SRD5A2: variants seen among roughly 807,000 people sequenced by gnomAD.
SRD5A2 encodes the protein 3-oxo-5-alpha-steroid 4-dehydrogenase 2.
SRD5A2 carries 30 observed loss-of-function variants against 27.4 expected under a neutral mutation model. The observed-to-expected ratio is 1.10, with a 90% CI of 0.82 to 1.49. SRD5A2 has a LOEUF of 1.49. SRD5A2 is among the 40% of genes most tolerant of loss of function. The probability of loss-of-function intolerance (pLI) is 0.00; values close to 1 mark genes in which losing one functional copy is unlikely to be tolerated. For synonymous variants in SRD5A2, 141 were observed against 133.6 expected, an observed-to-expected ratio of 1.06 and a Z score of -0.38; for missense variants, 348 against 323.4, an observed-to-expected ratio of 1.08 and a Z score of -0.58.
chr2:31,632,898 C>A, the SRD5A2 span, among the ~76,000 whole-genome samples: 1 of 152,048 alleles, frequency 6.6e-6, no homozygotes, highest in African/African-American at 2.4e-5. Flanking sequence ...TCCTCCATGC[C>A]CACACAGCAA....
At chr2:31,624,704 C>T in the SRD5A2 span, among the ~76,000 whole-genome samples, 1 of 152,076 alleles carries the variant, frequency 6.6e-6, no homozygotes, top group Non-Finnish European at 1.5e-5. Context: ...TTTTCATGGC[C>T]ACATAGTATT....
chr2:31,630,868 G>A, the SRD5A2 span, among the ~76,000 whole-genome samples: 1 of 152,158 alleles, frequency 6.6e-6, no homozygotes, highest in Non-Finnish European at 1.5e-5. Context: ...AGACCTAGAA[G>A]GAACTCCCTT....
chr2:31,563,032 C>G (rs929930146), intron 1 of SRD5A2: 1 of 152,110 alleles, frequency 6.6e-6, no homozygotes, highest in African/African-American at 2.4e-5. Context: ...TCATTCATAA[C>G]CATCTGTTGG....
the SRD5A2 span, among the ~76,000 whole-genome samples, chr2:31,594,011 A>G: frequency 3.3e-5 from 5 of 152,258 alleles, no homozygotes; most frequent in African/African-American, 1.2e-4. Context: ...TGCCACTACC[A>G]AGCCAGCACA....
chr2:31,559,133 T>C (rs1417447626), intron 1 of SRD5A2, among the ~76,000 whole-genome samples: 1 of 152,220 alleles, frequency 6.6e-6, no homozygotes, highest in East Asian at 1.9e-4. Context: ...CGTGGCTTTT[T>C]GGCTTCCATC....
chr2:31,637,474 T>C, the SRD5A2 span, among the ~76,000 whole-genome samples: 414 of 152,234 alleles, frequency 2.7e-3, 4 homozygotes, highest in Non-Finnish European at 4.9e-3. Context: ...ATAAATGTCA[T>C]GGCAACAACC....
intron 1 of SRD5A2, among the ~76,000 whole-genome samples, chr2:31,552,491 T>C (rs1486579941): frequency 2.0e-5 from 3 of 151,904 alleles, no homozygotes. Flanking sequence ...AACTCAACAA[T>C]GGAAAGGGCG....
At chr2:31,566,519 G>A (rs566727672) in intron 1 of SRD5A2, among the ~76,000 whole-genome samples, 3 of 152,260 alleles carry the variant, frequency 2.0e-5, no homozygotes, top group Middle Eastern at 6.8e-3. Flanking sequence ...AAAGAGATGA[G>A]ATCCTCTCAG....
chr2:31,655,157 A>C, the SRD5A2 span, among the ~76,000 whole-genome samples: 1 of 152,154 alleles, frequency 6.6e-6, no homozygotes, highest in Non-Finnish European at 1.5e-5. Context: ...GCTGGAGTAC[A>C]GTGGCATGAT....
the SRD5A2 span, among the ~76,000 whole-genome samples, chr2:31,635,339 T>C: frequency 6.6e-6 from 1 of 152,186 alleles, no homozygotes; most frequent in East Asian, 1.9e-4. Flanking sequence ...TGGCCATTTG[T>C]ATATCTTCTT....
At position 31,555,544 on chromosome 2, in the gene SRD5A2, G is replaced by A. The variant is rs28383016; in HGVS notation, c.282-21778C>T. Among the ~76,000 whole-genome samples the A allele has an allele frequency of 1.5e-3, 224 of 152,258 alleles. 2 individuals carry two copies. The highest frequency in any genetic ancestry group is 1.7e-3 in the Non-Finnish European group (116 of 68,010). On this transcript the variant is annotated intron_variant, in intron 1 of 4. Transcript: ENST00000622030. The stretch of plus-strand genomic sequence containing the variant: ...AGGTCTTAGTACAGTTGTCTTGCCA[G>A]TACCTAAGGACGGCCTTTCTGAAAC...
chr2:31,531,289 C>A, intron 3 of SRD5A2, 82 bp downstream of exon 3: 1 of 1,009,260 alleles, frequency 9.9e-7, no homozygotes, highest in South Asian at 1.5e-5. Flanking sequence ...CCTCACTGTC[C>A]CCTCTCCATC....
the SRD5A2 span, among the ~76,000 whole-genome samples, chr2:31,637,346 T>A: frequency 1.5e-3 from 221 of 152,188 alleles, no homozygotes; most frequent in African/African-American, 5.2e-3. Context: ...GTTTGTCTTC[T>A]GAGCACTGGT....
At chr2:31,611,007 G>A in the SRD5A2 span, among the ~76,000 whole-genome samples, 90,023 of 151,900 alleles carry the variant, frequency 0.59, 26,987 homozygotes, top group Middle Eastern at 0.67. Context: ...TACTCAGGAG[G>A]TTGAGGCAGG....
the SRD5A2 span, among the ~76,000 whole-genome samples, chr2:31,598,181 A>G: frequency 1.3e-5 from 2 of 152,106 alleles, no homozygotes; most frequent in Non-Finnish European, 2.9e-5. Flanking sequence ...CATTATTTAA[A>G]TGAAGTAACT....
chr2:31,556,991 T>C (rs1277388335), intron 1 of SRD5A2, among the ~76,000 whole-genome samples: 1 of 152,206 alleles, frequency 6.6e-6, no homozygotes, highest in Non-Finnish European at 1.5e-5. Context: ...TAGGTATTAT[T>C]ATTCCCATTC....
chr2:31,545,078 GA>G lies in SRD5A2; in HGVS notation c.282-11313del, dbSNP rs80207853. On this transcript the variant is annotated intron_variant, in intron 1 of 4. Coordinates refer to ENST00000622030, the MANE Select transcript of SRD5A2 (RefSeq NM_000348.4). ...TAATCAAAAATCAAAATCTCATAAT[GA>G]AAAAAAAAGCCCTTGATCTAACAGT... Among the ~76,000 whole-genome samples the G allele has an allele frequency of 2.7e-5, 4 of 148,572 alleles. No individual in the cohort carries two copies. The South Asian group carries it at 6.3e-4, about 24-fold the overall frequency.
At chr2:31,567,435 T>G (rs1572651803) in intron 1 of SRD5A2, among the ~76,000 whole-genome samples, 1 of 85,070 alleles carries the variant, frequency 1.2e-5, no homozygotes, top group Non-Finnish European at 2.7e-5. Context: ...TGCAATTTGG[T>G]GTGTGTGTGT....
At chr2:31,539,481 C>T (rs1419292789) in intron 1 of SRD5A2, among the ~76,000 whole-genome samples, 1 of 152,172 alleles carries the variant, frequency 6.6e-6, no homozygotes, top group African/African-American at 2.4e-5. Context: ...CTGTGCTTCC[C>T]CCTTACCAAG....
Sources: gnomAD v4.1 joint callset for allele counts (sites outside exome capture counted in the v4.1 genomes callset) on GRCh38, gnomAD v4.1.1 for gene constraint, MANE v1.5 for transcripts, NCBI Gene and HGNC (gene_info 2026-07-23, HGNC 2026-07-21) for gene names.